COL5A2: variants seen among roughly 807,000 people sequenced by gnomAD.
COL5A2 encodes the protein collagen alpha-2(V) chain.
COL5A2 carries 23 observed loss-of-function variants against 208.2 expected under a neutral mutation model. The ratio of observed to expected loss-of-function variants is 0.11; its 90% CI spans 0.08 to 0.16. The LOEUF is 0.16. COL5A2 is among the 10% of genes least tolerant of loss of function. The probability of loss-of-function intolerance (pLI) is 1.00; values close to 1 mark genes in which losing one functional copy is unlikely to be tolerated. For synonymous variants in COL5A2, 625 were observed against 628.5 expected, an observed-to-expected ratio of 0.99 and a Z score of 0.08; for missense variants, 1,590 against 1,956.4, an observed-to-expected ratio of 0.81 and a Z score of 3.53.
the COL5A2 span, among the ~76,000 whole-genome samples, chr2:189,336,977 T>C: frequency 6.6e-6 from 1 of 152,218 alleles, no homozygotes; most frequent in African/African-American, 2.4e-5. Context: ...GCCAAAGTCT[T>C]AGGAACTATT....
intron 18 of COL5A2, among the ~76,000 whole-genome samples, chr2:189,070,496 C>A (rs1211948551): frequency 2.6e-5 from 4 of 152,136 alleles, no homozygotes; most frequent in African/African-American, 7.2e-5. Context: ...AAATTTCTAA[C>A]AGAAACAGTT....
At chr2:189,071,870 T>G (rs1686282357) in intron 18 of COL5A2, among the ~76,000 whole-genome samples, 170 bp downstream of exon 18, 1 of 152,178 alleles carries the variant, frequency 6.6e-6, no homozygotes, top group Non-Finnish European at 1.5e-5. Context: ...GTTAATTTTA[T>G]TTTTTAATGT....
At chr2:189,236,933 T>C in the COL5A2 span, among the ~76,000 whole-genome samples, 1 of 151,852 alleles carries the variant, frequency 6.6e-6, no homozygotes, top group Admixed American at 6.6e-5. Flanking sequence ...TTAAACAGTA[T>C]GTATTACTCC....
chr2:189,162,125 T>C (rs188339520), intron 1 of COL5A2, among the ~76,000 whole-genome samples: 5 of 152,318 alleles, frequency 3.3e-5, no homozygotes, highest in African/African-American at 1.2e-4. Context: ...AAGTCTTCTG[T>C]TATTCCCCTG....
chr2:189,144,546 A>G lies in COL5A2; in HGVS notation c.98-34097T>C, dbSNP rs1462843995. ...AATATATGTGCATACATACATATATATGTTATATGTATATATTATATTTAT... is the reference window on the plus strand; with the variant it reads ...AATATATGTGCATACATACATATATGTGTTATATGTATATATTATATTTAT... On this transcript the variant is annotated intron_variant, in intron 1 of 53. Coordinates refer to ENST00000374866, the MANE Select transcript of COL5A2 (RefSeq NM_000393.5). Among the ~76,000 whole-genome samples, 5 of 151,698 alleles carry G rather than the reference A, an allele frequency of 3.3e-5. No individual in the cohort carries two copies. The East Asian group carries it at 5.8e-4, about 18-fold the overall frequency.
the COL5A2 span, among the ~76,000 whole-genome samples, chr2:189,361,535 T>C: frequency 2.4e-4 from 14 of 57,712 alleles, 1 homozygote; most frequent in South Asian, 7.8e-3. Context: ...CAGCATGTAG[T>C]TGGGTCTTGT....
chr2:189,094,229 A>G (rs1338267192), intron 6 of COL5A2, among the ~76,000 whole-genome samples: 1 of 152,194 alleles, frequency 6.6e-6, no homozygotes, highest in Non-Finnish European at 1.5e-5. Context: ...TGCACAGATT[A>G]AGATTAAAAT....
the COL5A2 span, among the ~76,000 whole-genome samples, chr2:189,409,768 T>C: frequency 4.6e-5 from 7 of 152,306 alleles, no homozygotes; most frequent in African/African-American, 1.7e-4. Context: ...CTAATGAAAT[T>C]ACTGAAGCTT....
chr2:189,076,788 T>C (rs1686414675), intron 16 of COL5A2, among the ~76,000 whole-genome samples: 1 of 152,100 alleles, frequency 6.6e-6, no homozygotes, highest in Non-Finnish European at 1.5e-5. Flanking sequence ...GTCAACACAC[T>C]GAAGAACTTC....
chr2:189,162,452 A>T (rs1688385817), intron 1 of COL5A2, among the ~76,000 whole-genome samples: 1 of 152,186 alleles, frequency 6.6e-6, no homozygotes, highest in Non-Finnish European at 1.5e-5. Context: ...GAATCATCCA[A>T]AGCAAATTCT....
At chr2:189,193,633 A>C (rs1038214244) in intron 1 of COL5A2, among the ~76,000 whole-genome samples, 1 of 152,182 alleles carries the variant, frequency 6.6e-6, no homozygotes, top group African/African-American at 2.4e-5. Flanking sequence ...AGAGGGATTA[A>C]ATAACATGCA....
chr2:189,091,016 C>T (rs1686772779), intron 7 of COL5A2, among the ~76,000 whole-genome samples: 1 of 152,062 alleles, frequency 6.6e-6, no homozygotes, highest in African/African-American at 2.4e-5. Flanking sequence ...ATATAATGTT[C>T]AAAGTAAATT....
chr2:189,326,840 G>A, the COL5A2 span, among the ~76,000 whole-genome samples: 2 of 151,990 alleles, frequency 1.3e-5, no homozygotes, highest in Non-Finnish European at 2.9e-5. Context: ...GGAGGCTGAG[G>A]TGGGCGGATC....
chr2:189,058,725 T>A, intron 32 of COL5A2, 124 bp downstream of exon 32: 1 of 992,586 alleles, frequency 1.0e-6, no homozygotes. Flanking sequence ...TCTCATAAAA[T>A]TAATTTTTAT....
intron 2 of COL5A2, among the ~76,000 whole-genome samples, chr2:189,104,582 T>G (rs1047130870): frequency 1.3e-5 from 2 of 151,970 alleles, no homozygotes; most frequent in African/African-American, 2.4e-5. Context: ...TTCATCAATA[T>G]TCTCCATTTT....
chr2:189,425,458 CA>C, the COL5A2 span, among the ~76,000 whole-genome samples: 3 of 152,098 alleles, frequency 2.0e-5, no homozygotes, highest in African/African-American at 7.2e-5. Flanking sequence ...TATCCATAAA[CA>C]GATGAATAGA....
At chr2:189,111,328 T>C (rs1254060221) in intron 1 of COL5A2, among the ~76,000 whole-genome samples, 1 of 152,214 alleles carries the variant, frequency 6.6e-6, no homozygotes, top group African/African-American at 2.4e-5. Context: ...TTTGTGATTT[T>C]ATAAGAAATA....
the COL5A2 span, among the ~76,000 whole-genome samples, chr2:189,240,345 G>A: frequency 6.6e-6 from 1 of 152,100 alleles, no homozygotes; most frequent in South Asian, 2.1e-4. Flanking sequence ...ATTCTCACAT[G>A]GCAAAGAGAG....
At chr2:189,436,707 G>A in the COL5A2 span, among the ~76,000 whole-genome samples, 1 of 152,224 alleles carries the variant, frequency 6.6e-6, no homozygotes, top group African/African-American at 2.4e-5. Context: ...GCAGGGACAT[G>A]TATGGAGCTG....
Sources: allele counts gnomAD v4.1 joint callset (sites outside exome capture counted in the v4.1 genomes callset), GRCh38; gene constraint gnomAD v4.1.1; transcripts MANE v1.5; gene names NCBI Gene and HGNC (gene_info 2026-07-23, HGNC 2026-07-21).